Variants in FMR1NB observed in about 807,000 individuals in gnomAD.
FMR1NB encodes FMR1 neighbor protein.
FMR1NB carries 10 observed loss-of-function variants against 16.8 expected under a neutral mutation model. The observed-to-expected ratio is 0.60, with a 90% CI of 0.37 to 1.01. The LOEUF is 1.01. Among genes scored for constraint, FMR1NB ranks in the 50% least tolerant of loss-of-function variants. The pLI is 0.01. For synonymous variants in FMR1NB, 83 were observed against 79.1 expected (o/e 1.05, Z -0.26); for missense variants, 205 against 204.8 (o/e 1.00, Z 0.00).
At chrX:147,996,603 G>A (rs2044543094) in intron 1 of FMR1NB, among the ~76,000 whole-genome samples, 1 of 110,566 alleles carries the variant, frequency 9.0e-6, no homozygotes, top group South Asian at 3.9e-4. Flanking sequence ...GGGGGCGGGG[G>A]CAACATAATT....
At chrX:148,018,723 A>G (rs1022963289) in intron 4 of FMR1NB, among the ~76,000 whole-genome samples, 1 of 111,204 alleles carries the variant, frequency 9.0e-6, no homozygotes, top group Non-Finnish European at 1.9e-5. Context: ...TAAAAACCCT[A>G]GAAGAAAACC....
chrX:147,989,026 A>C (rs1236155246), intron 1 of FMR1NB, among the ~76,000 whole-genome samples: 6 of 111,482 alleles, frequency 5.4e-5, no homozygotes, highest in Admixed American at 1.9e-4. Context: ...TTCTCTATCC[A>C]GTTTTCTGCC....
chrX:148,019,015 GA>G (rs2044665453), intron 4 of FMR1NB, among the ~76,000 whole-genome samples: 1 of 111,905 alleles, frequency 8.9e-6, no homozygotes, highest in Non-Finnish European at 1.9e-5. Context: ...GTGGGTGAAG[GA>G]CATGAACAGA....
rs782571623 is a variant in FMR1NB at position 148,003,242 on chromosome X, A to G, written c.319A>G (p.Asn107Asp). ...FVLANGHILP[N>D]SENAHGQSLE... ...GCTTGCAAATGGACATATCCTGCCC[A>G]ACAGTGAAAATGCTCATGGCCAATC... Residue 107 changes from asparagine to aspartate, a missense_variant, in exon 2 of 6, where the codon AAC (asparagine) becomes GAC (aspartate). Coordinates refer to ENST00000370467, the MANE Select transcript of FMR1NB (RefSeq NM_152578.3). The G allele has an allele frequency of 8.3e-7, 1 of 1,209,248 alleles. No individual in the cohort carries two copies. Among genetic ancestry groups the G allele is most frequent in the South Asian group, 1.8e-5 (1 of 56,719 alleles).
chrX:148,023,007 G>T (rs1436666738), intron 4 of FMR1NB, among the ~76,000 whole-genome samples: 1 of 111,497 alleles, frequency 9.0e-6, no homozygotes, highest in African/African-American at 3.3e-5. Context: ...GACAAACCTG[G>T]ACTGAGATTC....
intron 1 of FMR1NB, among the ~76,000 whole-genome samples, chrX:148,001,759 AT>A (rs1245451439): frequency 9.0e-6 from 1 of 111,239 alleles, no homozygotes; most frequent in East Asian, 2.8e-4. Flanking sequence ...CAAAAAAAAA[AT>A]AAAAGAAAAG....
At chrX:148,019,967 G>T (rs781803141) in intron 4 of FMR1NB, among the ~76,000 whole-genome samples, 1 of 112,480 alleles carries the variant, frequency 8.9e-6, no homozygotes, top group African/African-American at 3.2e-5. Context: ...GGCAAAGCCA[G>T]CCAGCCTTGT....
At chrX:148,008,853 C>T (rs1200059558) in intron 4 of FMR1NB, 142 bp downstream of exon 4, 5 of 531,018 alleles carry the variant, frequency 9.4e-6, no homozygotes, top group Non-Finnish European at 3.0e-6. Flanking sequence ...TGGGAAAGAC[C>T]TAAAACTAGA....
chrX:148,024,838 G>A (rs1237004954), intron 4 of FMR1NB, 27 bp from the exon 5 acceptor site: 2 of 1,200,018 alleles, frequency 1.7e-6, no homozygotes, highest in Non-Finnish European at 2.2e-6. Context: ...GAGAAATAAG[G>A]TTTCACTTGA....
chrX:148,006,631 T>C, intron 2 of FMR1NB, 71 bp from the exon 3 acceptor site: 9 of 1,066,637 alleles, frequency 8.4e-6, no homozygotes, highest in Non-Finnish European at 1.1e-5. Context: ...TGTCTTCCAG[T>C]AATTATTTAA....
intron 1 of FMR1NB, among the ~76,000 whole-genome samples, chrX:147,983,583 T>C (rs2044461998): frequency 8.9e-6 from 1 of 112,333 alleles, no homozygotes; most frequent in Non-Finnish European, 1.9e-5. Context: ...GGATCGTTTG[T>C]GGTTTTGCTG....
chrX:148,000,828 G>A (rs1456076917), intron 1 of FMR1NB, among the ~76,000 whole-genome samples: 3 of 111,447 alleles, frequency 2.7e-5, no homozygotes, highest in Non-Finnish European at 3.8e-5. Flanking sequence ...ACTCAAGAAC[G>A]CCCATTATTA....
chrX:148,023,879 A>G (rs1293050872), intron 4 of FMR1NB, among the ~76,000 whole-genome samples: 1 of 111,314 alleles, frequency 9.0e-6, no homozygotes, highest in Non-Finnish European at 1.9e-5. Flanking sequence ...GAGAGATTGT[A>G]CTTTAGATTT....
At chrX:147,982,612 G>T (rs782260179) in intron 1 of FMR1NB, among the ~76,000 whole-genome samples, 1,128 of 94,785 alleles carry the variant, frequency 0.012, 21 homozygotes, top group African/African-American at 0.044. Context: ...AAAAAAAAAA[G>T]GCCGGGCGCG....
At chrX:147,986,673 T>C (rs1569546529) in intron 1 of FMR1NB, among the ~76,000 whole-genome samples, 1 of 111,348 alleles carries the variant, frequency 9.0e-6, no homozygotes, top group Non-Finnish European at 1.9e-5. Context: ...TGTTCCATTT[T>C]TCTATATATC....
chrX:148,009,599 G>C (rs1314957681), intron 4 of FMR1NB, among the ~76,000 whole-genome samples: 5 of 109,291 alleles, frequency 4.6e-5, no homozygotes, highest in African/African-American at 1.7e-4. Flanking sequence ...AGTGAGGTGA[G>C]TGAAGCACTT....
chrX:148,002,730 G>T (rs1557188740), intron 1 of FMR1NB, among the ~76,000 whole-genome samples: 1 of 112,296 alleles, frequency 8.9e-6, no homozygotes, highest in Non-Finnish European at 1.9e-5. Flanking sequence ...AGGGAATTGT[G>T]TAAATAAGAC....
At chrX:147,996,731 G>A (rs1557188191) in intron 1 of FMR1NB, among the ~76,000 whole-genome samples, 1 of 112,177 alleles carries the variant, frequency 8.9e-6, no homozygotes, top group African/African-American at 3.2e-5. Context: ...GACTGCACAA[G>A]TCACATATAG....
intron 1 of FMR1NB, among the ~76,000 whole-genome samples, chrX:148,001,159 C>T (rs1369555789): frequency 9.0e-6 from 1 of 111,650 alleles, no homozygotes; most frequent in Non-Finnish European, 1.9e-5. Flanking sequence ...AGTGCAGGGC[C>T]TATCTGAATA....
Sources: gnomAD v4.1 joint callset for allele counts (sites outside exome capture counted in the v4.1 genomes callset) on GRCh38, gnomAD v4.1.1 for gene constraint, MANE v1.5 for transcripts, NCBI Gene and HGNC (gene_info 2026-07-23, HGNC 2026-07-21) for gene names.